Variants in PRKCE observed in about 807,000 individuals in gnomAD.
PRKCE encodes protein kinase C epsilon, also known as protein kinase C epsilon type.
Under a neutral mutation model 85.4 loss-of-function variants are expected in PRKCE, and 16 were observed. The observed-to-expected ratio is 0.19, with a 90% CI of 0.13 to 0.28. The LOEUF (loss-of-function observed/expected upper bound fraction) is 0.28, where lower values mean the gene tolerates loss of function less well. PRKCE is among the 10% of genes least tolerant of loss of function. The pLI is 1.00. For missense variants in PRKCE, 573 were observed against 975.2 expected, an observed-to-expected ratio of 0.59 and a Z score of 5.49; for synonymous variants, 388 against 371.5, an observed-to-expected ratio of 1.04 and a Z score of -0.51.
At chr2:45,919,687 C>T (rs1698106607) in intron 2 of PRKCE, among the ~76,000 whole-genome samples, 1 of 152,218 alleles carries the variant, frequency 6.6e-6, no homozygotes, top group African/African-American at 2.4e-5. Context: ...ATGAATTCCC[C>T]CCAACCTTTT....
chr2:46,056,338 A>G (rs996878212), intron 10 of PRKCE, among the ~76,000 whole-genome samples: 1 of 151,962 alleles, frequency 6.6e-6, no homozygotes, highest in Admixed American at 6.6e-5. Flanking sequence ...GTCTGTCCCA[A>G]AAGACAGAAG....
At chr2:45,715,108 G>C (rs1345253200) in intron 1 of PRKCE, among the ~76,000 whole-genome samples, 1 of 152,370 alleles carries the variant, frequency 6.6e-6, no homozygotes, top group South Asian at 2.1e-4. Context: ...TCGGAGCTGT[G>C]GGTTGAATGC....
intron 1 of PRKCE, among the ~76,000 whole-genome samples, chr2:45,768,773 A>T (rs1685100230): frequency 6.6e-6 from 1 of 152,218 alleles, no homozygotes; most frequent in Non-Finnish European, 1.5e-5. Flanking sequence ...ATGTGTAGGA[A>T]TTATAGTCTT....
chr2:45,696,776 C>A (rs1201743233), intron 1 of PRKCE, among the ~76,000 whole-genome samples: 1 of 152,162 alleles, frequency 6.6e-6, no homozygotes, highest in African/African-American at 2.4e-5. Flanking sequence ...AATCTGGCCA[C>A]CATGCGGCCT....
chr2:45,865,748 G>T (rs1012372565), intron 2 of PRKCE, among the ~76,000 whole-genome samples: 2 of 151,612 alleles, frequency 1.3e-5, no homozygotes, highest in African/African-American at 4.9e-5. Context: ...AACTGAACCT[G>T]CCAGTGCCCT....
intron 10 of PRKCE, among the ~76,000 whole-genome samples, chr2:46,037,954 A>G (rs1707974171): frequency 6.6e-6 from 1 of 152,206 alleles, no homozygotes; most frequent in Non-Finnish European, 1.5e-5. Context: ...CATAAAAAAT[A>G]AATGAGGATA....
chr2:45,712,601 T>C (rs957918362), intron 1 of PRKCE, among the ~76,000 whole-genome samples: 12 of 152,194 alleles, frequency 7.9e-5, no homozygotes, highest in Non-Finnish European at 1.6e-4. Flanking sequence ...TGGCCCTGGC[T>C]GGTCCCACTG....
At chr2:45,958,751 A>G (rs972258616) in intron 2 of PRKCE, among the ~76,000 whole-genome samples, 2 of 136,318 alleles carry the variant, frequency 1.5e-5, no homozygotes, top group Non-Finnish European at 3.1e-5. Flanking sequence ...ATTGTCTGAA[A>G]GACAGAAACA....
chr2:45,934,635 C>A (rs367814649), intron 2 of PRKCE, among the ~76,000 whole-genome samples: 3 of 146,940 alleles, frequency 2.0e-5, no homozygotes. Flanking sequence ...GGTGATAAAG[C>A]GAGACTCTGC....
chr2:45,695,957 T>G (rs1008009489), intron 1 of PRKCE, among the ~76,000 whole-genome samples: 9 of 152,326 alleles, frequency 5.9e-5, no homozygotes, highest in Admixed American at 5.2e-4. Flanking sequence ...ATTATTATTA[T>G]ACTTTAAGTT....
intron 1 of PRKCE, among the ~76,000 whole-genome samples, chr2:45,746,340 C>T (rs931036467): frequency 2.6e-5 from 4 of 152,240 alleles, no homozygotes; most frequent in Non-Finnish European, 4.4e-5. Context: ...AAACCAAACT[C>T]GGTTTTCCTT....
intron 1 of PRKCE, among the ~76,000 whole-genome samples, chr2:45,815,675 T>A (rs1470407438): frequency 6.6e-6 from 1 of 152,220 alleles, no homozygotes; most frequent in Non-Finnish European, 1.5e-5. Context: ...AGATGTTTTA[T>A]GGATAGAATA....
Position 46,166,164 on chromosome 2 carries a change from G to A in PRKCE, c.2067+6412G>A, listed in dbSNP as rs150693030. On this transcript the variant is annotated intron_variant, in intron 14 of 14. Transcript: ENST00000306156. ...GAGAGAAAACCTGGGAAGTGGGCTC[G>A]AGACCCGCACACTTCACCAACTTAG... Among the ~76,000 whole-genome samples the A allele has an allele frequency of 1.7e-4, 26 of 152,324 alleles. 1 individual carries two copies. In the East Asian group the frequency reaches 4.2e-3, roughly 25 times the overall value.
chr2:46,091,118 C>G (rs1670122978), intron 11 of PRKCE, among the ~76,000 whole-genome samples: 1 of 152,054 alleles, frequency 6.6e-6, no homozygotes, highest in Admixed American at 6.5e-5. Flanking sequence ...GTCTCTGTGT[C>G]CCCTGCTGGA....
intron 1 of PRKCE, among the ~76,000 whole-genome samples, chr2:45,769,231 C>T (rs933831083): frequency 6.6e-6 from 1 of 152,174 alleles, no homozygotes; most frequent in South Asian, 2.1e-4. Context: ...AAAGTCTTTT[C>T]ATCCTCGCCC....
chr2:46,142,810 C>G (rs1675687766), intron 11 of PRKCE, among the ~76,000 whole-genome samples: 1 of 152,246 alleles, frequency 6.6e-6, no homozygotes, highest in Non-Finnish European at 1.5e-5. Context: ...CGGAGCCTTG[C>G]AGCCTGAGTC....
At chr2:46,064,242 A>G (rs1366518791) in intron 10 of PRKCE, among the ~76,000 whole-genome samples, 3 of 146,574 alleles carry the variant, frequency 2.0e-5, no homozygotes, top group Non-Finnish European at 4.5e-5. Flanking sequence ...AGATCATACC[A>G]CTGCATTCCA....
intron 2 of PRKCE, among the ~76,000 whole-genome samples, chr2:45,884,510 G>A (rs1207636443): frequency 6.6e-6 from 1 of 152,138 alleles, no homozygotes; most frequent in Non-Finnish European, 1.5e-5. Flanking sequence ...GAGGTAAAAT[G>A]GGAGCAGTAA....
intron 1 of PRKCE, among the ~76,000 whole-genome samples, chr2:45,815,661 A>G (rs1015075142): frequency 6.6e-6 from 1 of 152,354 alleles, no homozygotes; most frequent in East Asian, 1.9e-4. Flanking sequence ...GACTCCATGC[A>G]GGGAGATGTT....
Sources: allele counts gnomAD v4.1 joint callset (sites outside exome capture counted in the v4.1 genomes callset), GRCh38; gene constraint gnomAD v4.1.1; transcripts MANE v1.5; gene names NCBI Gene and HGNC (gene_info 2026-07-23, HGNC 2026-07-21).